Variants in KIFC2 observed in about 807,000 individuals in gnomAD.
The protein encoded by KIFC2 is kinesin family member C2.
KIFC2 carries 94 observed loss-of-function variants against 91.5 expected under a neutral mutation model. The ratio of observed to expected loss-of-function variants is 1.03; its 90% CI spans 0.87 to 1.22. KIFC2 has a LOEUF of 1.22. Among genes scored for constraint, KIFC2 ranks in the 50% most tolerant of loss-of-function variants. The pLI is 0.00. For synonymous variants in KIFC2, 729 were observed against 503.9 expected, an observed-to-expected ratio of 1.45 and a Z score of -5.98; for missense variants, 1,357 against 1,103.3, an observed-to-expected ratio of 1.23 and a Z score of -3.26.
In KIFC2 at chr8:144,469,209, A is replaced by AC. The variant is rs1331352825; in HGVS notation, c.1114-56dup. On this transcript the variant is annotated intron_variant, in intron 10 of 17. Coordinates refer to ENST00000645548, the MANE Select transcript of KIFC2 (RefSeq NM_001369769.2). ...TCCCTGCTGCTCTCAGGACCCTCCC[A>AC]CCCCCCACCTCCGCAGCTCCTTGGC... 2.6e-6 allele frequency: 3 copies of AC among 1,170,908 alleles called. No individual in the cohort carries two copies. In the South Asian group the frequency reaches 4.0e-5, roughly 16 times the overall value. The allele number at this position is 1,170,908 out of a possible 1,614,324, so 72.5% of individuals were successfully genotyped here. A position where few individuals can be genotyped will look rare whatever the true frequency, so the allele number is the denominator to read the frequency against.
chr8:144,467,274 C>A lies in KIFC2; in HGVS notation c.402C>A (p.Pro134=). ...CCCTTCTGGCATGGCTTCGAAGCCC[C>A]AGGGGGAGGCAGGCCCTGCTCCAGG... ...LLALLAWLRS[P]RGRQALLQGT... The change falls in exon 4 of 18, where the codon CCC becomes CCA. Residue 134 remains proline (P), a synonymous_variant. Transcript: ENST00000645548. 6.2e-7 allele frequency: 1 copy of A among 1,613,394 alleles called. No homozygotes were observed. Among genetic ancestry groups the A allele is most frequent in the South Asian group, 1.1e-5 (1 of 91,078 alleles).
chr8:144,471,594 CT>C (rs1564749503), intron 12 of KIFC2, among the ~76,000 whole-genome samples: 1 of 152,090 alleles, frequency 6.6e-6, no homozygotes, highest in African/African-American at 2.4e-5. Context: ...ATTTATTTTT[CT>C]TTTTTTCACG....
At position 144,467,768 on chromosome 8, in the gene KIFC2, C is replaced by G; in HGVS notation, c.670C>G (p.Arg224Gly). 6.2e-7 allele frequency: 1 copy of G among 1,613,764 alleles called. No individual in the cohort carries two copies. Among genetic ancestry groups the G allele is most frequent in the Non-Finnish European group, 8.5e-7 (1 of 1,179,986 alleles). The change falls in exon 6 of 18, where the codon CGC becomes GGC. Residue 224 changes from arginine (R) to glycine (G), a missense_variant. By Grantham distance (125) the Arg-to-Gly change is moderately radical (BLOSUM62 -2). Coordinates refer to ENST00000645548, the MANE Select transcript of KIFC2 (RefSeq NM_001369769.2). The stretch of plus-strand genomic sequence containing the variant: ...GCAGGAGGAGGAGTTGGGTCGACTG[C>G]GCCTGGGCGTGGTGAGGCTGCAGGG... Reference protein sequence around the residue: ...EQQEEELGRLRLGVGATDSEK... With the variant: ...EQQEEELGRLGLGVGATDSEK...
At chr8:144,466,724 C>T (rs777452442) in intron 1 of KIFC2, 36 bp from the exon 2 acceptor site, 9 of 1,474,324 alleles carry the variant, frequency 6.1e-6, no homozygotes, top group Middle Eastern at 2.4e-4. Flanking sequence ...AGGCTGCCTG[C>T]CCCCCTCCTC....
chr8:144,466,294 T>A (rs1471384978), upstream of KIFC2: 2 of 232,258 alleles, frequency 8.6e-6, no homozygotes, highest in Non-Finnish European at 1.6e-5. Flanking sequence ...CTTCCAGCCG[T>A]GGGAGCCGGG....
chr8:144,472,887 C>A lies in KIFC2; in HGVS notation c.1954C>A (p.Arg652Ser). 1 of 1,521,350 alleles carries A rather than the reference C, an allele frequency of 6.6e-7. No individual in the cohort carries two copies. 94.2% of individuals were successfully genotyped at this position (1,521,350 alleles called of 1,614,324 possible). Residue 652 changes from arginine (R) to serine (S), a missense_variant, in exon 17 of 18, where the codon CGC becomes AGC. Coordinates refer to ENST00000645548, the MANE Select transcript of KIFC2 (RefSeq NM_001369769.2). Reference sequence around the variant, plus strand: ...GCGGGGAGACCCAGACGGCGCCCGGCGCCTGCGGGAGGCCCAGACCATAAA... The same window carrying A: ...GCGGGGAGACCCAGACGGCGCCCGGAGCCTGCGGGAGGCCCAGACCATAAA... ...PPRGDPDGARRLREAQTINRS... is the reference protein window; with the variant it reads ...PPRGDPDGARSLREAQTINRS...
In KIFC2 at chr8:144,468,822, G is replaced by C; in HGVS notation, c.1101G>C (p.Glu367Asp). The change falls in exon 10 of 18, where the codon GAG becomes GAC. Residue 367 changes from glutamate (E) to aspartate (D), a missense_variant. Transcript: ENST00000645548. ...FTQSCQGSLSEARGQVSWALG... is the reference protein window; with the variant it reads ...FTQSCQGSLSDARGQVSWALG... ...AGAGCTGTCAGGGTTCGCTGAGTGA[G>C]GCCCGGGGCCAGGTCAGGACCCCTC... The C allele has an allele frequency of 6.2e-7, 1 of 1,613,758 alleles. No homozygotes were observed. Among genetic ancestry groups the C allele is most frequent in the Non-Finnish European group, 8.5e-7 (1 of 1,179,858 alleles).
At chr8:144,466,563 C>T in intron 1 of KIFC2, 45 bp downstream of exon 1, 1 of 1,041,628 alleles carries the variant, frequency 9.6e-7, no homozygotes, top group Non-Finnish European at 1.2e-6. Context: ...CGCCGCCTGC[C>T]CCACCCCCAC....
chr8:144,468,211 C>T lies in KIFC2; in HGVS notation c.811-118C>T, dbSNP rs113252406. On this transcript the variant is annotated intron_variant, in intron 7 of 17. Transcript: ENST00000645548. ...CTGTGGGAAGGAGGTCTGCGTGGAG[C>T]TGGGAGGCATGGGTTCACAGCCAGC... 5,606 of 1,078,150 alleles carry T rather than the reference C, an allele frequency of 5.2e-3. 146 individuals carry two copies. In the African/African-American group the frequency reaches 0.06, roughly 12 times the overall value. 66.8% of individuals were successfully genotyped at this position (1,078,150 alleles called of 1,614,324 possible).
chr8:144,469,659 C>G lies in KIFC2; in HGVS notation c.1380+12C>G. The G allele has an allele frequency of 6.3e-7, 1 of 1,581,226 alleles. No homozygotes were observed. Among genetic ancestry groups the G allele is most frequent in the Non-Finnish European group, 8.6e-7 (1 of 1,165,832 alleles). ...CCAGCCAGGAGGAGGTGACAGCCTG[C>G]CTTTGCAGCCATCCTGACCCTTTTT... On this transcript the variant is annotated intron_variant, in intron 12 of 17. Coordinates refer to ENST00000645548, the MANE Select transcript of KIFC2 (RefSeq NM_001369769.2).
chr8:144,473,274 C>T lies in KIFC2; in HGVS notation c.2261C>T (p.Thr754Ile). The T allele has an allele frequency of 6.2e-7, 1 of 1,606,152 alleles. No homozygotes were observed. Among genetic ancestry groups the T allele is most frequent in the East Asian group, 2.2e-5 (1 of 44,522 alleles). Residue 754 changes from threonine to isoleucine, a missense_variant, in exon 18 of 18, where the codon ACT becomes ATT. Thr to Ile is a moderately conservative substitution (Grantham distance 89, BLOSUM62 -1). Transcript: ENST00000645548. ...ACGCCTTCTTCCCTCAGCACCGACA[C>T]TCCGCTCACCGGGACCCCCTGCACC... is the stretch of plus-strand genomic sequence containing the variant. Reference protein sequence around the residue: ...SGTPSSLSTDTPLTGTPCTPT... With the variant: ...SGTPSSLSTDIPLTGTPCTPT...
At chr8:144,470,127 C>T (rs1013519502) in intron 12 of KIFC2, among the ~76,000 whole-genome samples, 9 of 152,362 alleles carry the variant, frequency 5.9e-5, no homozygotes, top group East Asian at 1.9e-4. Flanking sequence ...GCTACAGCTC[C>T]CATAGCTAAG....
In KIFC2 at chr8:144,467,053, C is replaced by A. The variant is rs751667885; in HGVS notation, c.273C>A (p.Phe91Leu). 6.3e-7 allele frequency: 1 copy of A among 1,594,568 alleles called. No individual in the cohort carries two copies. The highest frequency in any genetic ancestry group is 1.1e-5 in the South Asian group (1 of 89,106). The change falls in exon 3 of 18, where the codon TTC (phenylalanine) becomes TTA (leucine). Residue 91 changes from phenylalanine (F) to leucine (L), a missense_variant. Transcript: ENST00000645548. ...AGGCCCTACTGCGCCTCGCCGAGTT[C>A]CTCTCCGTCCAGCTGGGGGCGGAAG... is the stretch of plus-strand genomic sequence containing the variant. ...LEEALLRLAE[F>L]LSVQLGAEES...
Position 144,467,022 on chromosome 8 carries a change from T to C in KIFC2, c.242T>C (p.Leu81Pro), listed in dbSNP as rs1386690767. ...AAEGRAAAVSLEEALLRLAEF... is the reference protein window; with the variant it reads ...AAEGRAAAVSPEEALLRLAEF... Reference sequence around the variant, plus strand: ...GAGGGCCGCGCGGCCGCGGTGTCCCTGGAAGAGGCCCTACTGCGCCTCGCC... The same window carrying C: ...GAGGGCCGCGCGGCCGCGGTGTCCCCGGAAGAGGCCCTACTGCGCCTCGCC... Residue 81 changes from leucine to proline, a missense_variant, in exon 3 of 18, where the codon CTG becomes CCG. By Grantham distance (98) the Leu-to-Pro change is moderately conservative (BLOSUM62 -3). Coordinates refer to ENST00000645548, the MANE Select transcript of KIFC2 (RefSeq NM_001369769.2). The C allele has an allele frequency of 6.3e-7, 1 of 1,597,540 alleles. No individual in the cohort carries two copies.
At chr8:144,472,754 G>A (rs779435459) in intron 16 of KIFC2, 41 bp from the exon 17 acceptor site, 29 of 1,591,624 alleles carry the variant, frequency 1.8e-5, no homozygotes, top group Non-Finnish European at 2.3e-5. Flanking sequence ...GAGCACCCGA[G>A]GCCCGGCCTT....
Position 144,467,847 on chromosome 8 carries a change from C to G in KIFC2, c.682-12C>G, listed in dbSNP as rs199800061. 2 of 1,613,394 alleles carry G rather than the reference C, an allele frequency of 1.2e-6. No individual in the cohort carries two copies. The highest frequency in any genetic ancestry group is 1.7e-6 in the Non-Finnish European group (2 of 1,179,820). On this transcript the variant is annotated splice_polypyrimidine_tract_variant and intron_variant, in intron 6 of 17. Coordinates refer to ENST00000645548, the MANE Select transcript of KIFC2 (RefSeq NM_001369769.2). ...GTGCTTCAGGTGAGTGCCGAGGTTT[C>G]CTCTCCACCAGGGGGCGACGGACTC... is the stretch of plus-strand genomic sequence containing the variant.
At position 144,469,312 on chromosome 8, in the gene KIFC2, C is replaced by T; in HGVS notation, c.1155C>T (p.Gly385=). The change falls in exon 11 of 18, where the codon GGC becomes GGT. Residue 385 remains glycine (G), a synonymous_variant. Coordinates refer to ENST00000645548, the MANE Select transcript of KIFC2 (RefSeq NM_001369769.2). ...GGGCACTGTCATCTGGAGGGCCTGG[C>T]ACTCAGCTCCCTGAGGGGCAGCAAG... ...ALGALSSGGP[G]TQLPEGQQGP... 2 of 1,605,504 alleles carry T rather than the reference C, an allele frequency of 1.2e-6. No homozygotes were observed. The highest frequency in any genetic ancestry group is 2.2e-5 in the South Asian group (2 of 89,666).
intron 13 of KIFC2, 41 bp downstream of exon 13, chr8:144,472,087 G>T: frequency 6.2e-7 from 1 of 1,613,150 alleles, no homozygotes. Context: ...GGCCCCAGGG[G>T]CCCTGCATGA....
Position 144,473,981 on chromosome 8 carries a change from A to C in KIFC2, c.*592A>C, listed in dbSNP as rs1315026924. ...TGAGAAGAGGGGACTAGGAAGGGCT[A>C]TTCCAGGCTCAGCCCTGCTCCTGCA... On this transcript the variant is annotated 3_prime_UTR_variant, in exon 18 of 18. Coordinates refer to ENST00000645548, the MANE Select transcript of KIFC2 (RefSeq NM_001369769.2). 6 of 543,888 alleles carry C rather than the reference A, an allele frequency of 1.1e-5. No individual in the cohort carries two copies. Among genetic ancestry groups the C allele is most frequent in the Non-Finnish European group, 2.0e-5 (6 of 307,048 alleles). The allele number at this position is 543,888 out of a possible 1,614,324, so 33.7% of individuals were successfully genotyped here.
Sources: allele counts gnomAD v4.1 joint callset (sites outside exome capture counted in the v4.1 genomes callset), GRCh38; gene constraint gnomAD v4.1.1; transcripts MANE v1.5; gene names NCBI Gene and HGNC (gene_info 2026-07-23, HGNC 2026-07-21).